The following ARMH3 variants were observed in gnomAD, a reference collection of about 807,000 sequenced individuals.
ARMH3 encodes armadillo like helical domain containing 3.
Under a neutral mutation model 99.1 loss-of-function variants are expected in ARMH3, and 60 were observed. That is an observed-to-expected ratio of 0.61 (90% confidence interval 0.49 to 0.75). The LOEUF (loss-of-function observed/expected upper bound fraction) is 0.75, where lower values mean the gene tolerates loss of function less well. Ranked by LOEUF, ARMH3 falls within the 30% of genes least tolerant of loss-of-function variation. ARMH3 has a pLI of 0.00. For missense variants in ARMH3, 679 were observed against 843.1 expected, an observed-to-expected ratio of 0.81 and a Z score of 2.41; for synonymous variants, 285 against 292.8, an observed-to-expected ratio of 0.97 and a Z score of 0.27.
chr10:101,976,337 CAA>C (rs1360407394), intron 19 of ARMH3, among the ~76,000 whole-genome samples: 18 of 118,886 alleles, frequency 1.5e-4, no homozygotes, highest in Admixed American at 4.3e-4. Context: ...AAGACTGTCT[CAA>C]AAAAAAAAAA....
chr10:101,850,045 CA>C (rs1489364729), intron 24 of ARMH3, among the ~76,000 whole-genome samples, 153 bp from the exon 25 acceptor site: 3 of 150,328 alleles, frequency 2.0e-5, no homozygotes, highest in Non-Finnish European at 4.4e-5. Flanking sequence ...AGCCTGGCTA[CA>C]GGGAGCGATG....
At chr10:101,937,959 G>A (rs1036356239) in intron 23 of ARMH3, among the ~76,000 whole-genome samples, 2 of 152,168 alleles carry the variant, frequency 1.3e-5, no homozygotes, top group Non-Finnish European at 2.9e-5. Context: ...GACCTCCTGG[G>A]CTCAAATGAT....
intron 10 of ARMH3, among the ~76,000 whole-genome samples, chr10:102,012,247 A>G (rs1337215328): frequency 2.0e-5 from 3 of 152,212 alleles, no homozygotes; most frequent in African/African-American, 7.2e-5. Flanking sequence ...GGAGCATGAA[A>G]GATCCTGCCT....
chr10:102,013,015 G>A (rs761774298), intron 9 of ARMH3, 139 bp from the exon 10 acceptor site: 4 of 578,738 alleles, frequency 6.9e-6, no homozygotes, highest in Non-Finnish European at 1.2e-5. Flanking sequence ...CAGAAATTCT[G>A]AGAGGCACTG....
At chr10:101,854,430 T>C (rs943936833) in intron 24 of ARMH3, among the ~76,000 whole-genome samples, 3 of 152,188 alleles carry the variant, frequency 2.0e-5, no homozygotes, top group Admixed American at 1.3e-4. Flanking sequence ...AGTACCTACC[T>C]ATTTCAAACT....
intron 22 of ARMH3, among the ~76,000 whole-genome samples, chr10:101,944,259 TATATATATATATATAGAGAG>T (rs1167198828): frequency 4.5e-5 from 3 of 65,956 alleles, no homozygotes; most frequent in Admixed American, 1.8e-4. Flanking sequence ...TATATATATA[TATATATATATATATAGAGAG>T]AGAGAGAGAG....
intron 19 of ARMH3, among the ~76,000 whole-genome samples, chr10:101,989,593 C>A (rs1245020375): frequency 6.6e-5 from 10 of 152,010 alleles, no homozygotes; most frequent in Admixed American, 6.5e-4. Context: ...TGGTGGTGTG[C>A]ACCTGTAATC....
intron 23 of ARMH3, among the ~76,000 whole-genome samples, chr10:101,911,189 C>G (rs1657661205): frequency 6.6e-6 from 1 of 151,684 alleles, no homozygotes; most frequent in Admixed American, 6.6e-5. Context: ...TTCAAGTCTT[C>G]AGAAAATGAG....
At chr10:102,021,344 T>A (rs1395912580) in intron 8 of ARMH3, among the ~76,000 whole-genome samples, 1 of 151,514 alleles carries the variant, frequency 6.6e-6, no homozygotes, top group Non-Finnish European at 1.5e-5. Flanking sequence ...CCTCCCAAAG[T>A]GCTGAGATTA....
At chr10:102,051,245 G>T (rs930018989) in intron 1 of ARMH3, among the ~76,000 whole-genome samples, 1 of 151,732 alleles carries the variant, frequency 6.6e-6, no homozygotes, top group African/African-American at 2.4e-5. Flanking sequence ...GGCCAAGGCC[G>T]GCGGATCATC....
At chr10:101,953,305 A>G (rs1347888539) in intron 22 of ARMH3, among the ~76,000 whole-genome samples, 2 of 152,112 alleles carry the variant, frequency 1.3e-5, no homozygotes, top group East Asian at 3.9e-4. Context: ...AAATTTTTGT[A>G]TCTTTGGTAA....
chr10:101,859,739 T>C (rs2066818861), intron 24 of ARMH3, among the ~76,000 whole-genome samples: 1 of 152,246 alleles, frequency 6.6e-6, no homozygotes, highest in Non-Finnish European at 1.5e-5. Context: ...AAAGAGTTGC[T>C]GAGCCATTTT....
At chr10:101,858,380 A>G (rs1037051255) in intron 24 of ARMH3, among the ~76,000 whole-genome samples, 2 of 152,234 alleles carry the variant, frequency 1.3e-5, no homozygotes, top group Middle Eastern at 3.2e-3. Context: ...GGAAATACTA[A>G]TAACTTCATC....
intron 1 of ARMH3, among the ~76,000 whole-genome samples, chr10:102,048,242 C>T (rs550993423): frequency 6.6e-6 from 1 of 152,296 alleles, no homozygotes; most frequent in East Asian, 1.9e-4. Context: ...GGGACTGTAG[C>T]CCATTTCCCC....
At chr10:102,007,199 G>A (rs1340032275) in intron 13 of ARMH3, among the ~76,000 whole-genome samples, 1 of 130,982 alleles carries the variant, frequency 7.6e-6, no homozygotes, top group Admixed American at 7.7e-5. Context: ...GCTGAGAAGG[G>A]ACTACTTCTG....
At chr10:101,926,884 A>G (rs1843527632) in intron 23 of ARMH3, among the ~76,000 whole-genome samples, 1 of 152,204 alleles carries the variant, frequency 6.6e-6, no homozygotes, top group South Asian at 2.1e-4. Flanking sequence ...ATCTCCAGAG[A>G]GCCAGAGGCT....
intron 24 of ARMH3, among the ~76,000 whole-genome samples, chr10:101,853,138 G>A (rs1052708394): frequency 4.7e-5 from 7 of 149,086 alleles, no homozygotes; most frequent in Middle Eastern, 3.4e-3. Flanking sequence ...TGCTCCACCC[G>A]CCTCAGTCTC....
intron 24 of ARMH3, among the ~76,000 whole-genome samples, chr10:101,880,652 ACC>A (rs1176559662): frequency 3.3e-5 from 5 of 151,642 alleles, no homozygotes; most frequent in African/African-American, 1.2e-4. Flanking sequence ...CAGCTCCACA[ACC>A]CCCGGCCCCC....
intron 24 of ARMH3, among the ~76,000 whole-genome samples, chr10:101,887,820 C>T (rs905662634): frequency 9.9e-5 from 15 of 152,002 alleles, no homozygotes; most frequent in Admixed American, 2.6e-4. Flanking sequence ...GAAATCGCTT[C>T]GTCTCTGGCC....
Sources: allele counts gnomAD v4.1 joint callset (sites outside exome capture counted in the v4.1 genomes callset), GRCh38; gene constraint gnomAD v4.1.1; transcripts MANE v1.5; gene names NCBI Gene and HGNC (gene_info 2026-07-23, HGNC 2026-07-21).